RPH3AL: variants seen among roughly 807,000 people sequenced by gnomAD.
RPH3AL encodes rabphilin 3A like (without C2 domains), also known as rab effector Noc2.
RPH3AL carries 38 observed loss-of-function variants against 43.1 expected under a neutral mutation model. The observed-to-expected ratio is 0.88, with a 90% CI of 0.68 to 1.15. The LOEUF (loss-of-function observed/expected upper bound fraction) is 1.15, where lower values mean the gene tolerates loss of function less well. Among genes scored for constraint, RPH3AL ranks in the 50% most tolerant of loss-of-function variants. The pLI is 0.00. For missense variants in RPH3AL, 462 were observed against 423.2 expected (o/e 1.09, Z -0.81); for synonymous variants, 189 against 176.3 (o/e 1.07, Z -0.57).
rs145915927 is a variant in RPH3AL at position 219,622 on chromosome 17, C to T, written c.727+1G>A. ...AAGCAGCATTTCACTCCCCACCTTA[C>T]CTGACTCCTTCCAGGGTTTGTCGCC... On this transcript the variant is annotated splice_donor_variant, in intron 8 of 9. Coordinates refer to ENST00000331302, the MANE Select transcript of RPH3AL (RefSeq NM_006987.4). LOFTEE classifies it high-confidence loss of function. The T allele has an allele frequency of 4.6e-5, 73 of 1,594,016 alleles. No homozygotes were observed. In the African/African-American group the frequency reaches 9.0e-4, roughly 20 times the overall value.
intron 6 of RPH3AL, among the ~76,000 whole-genome samples, chr17:256,087 C>T (rs369233747): frequency 0.06 from 397 of 6,666 alleles, 3 homozygotes; most frequent in Middle Eastern, 0.17. Context: ...TCCCTAGGAA[C>T]GTGACTACCC....
intron 5 of RPH3AL, among the ~76,000 whole-genome samples, chr17:313,852 A>G (rs1016628420): frequency 1.5e-4 from 23 of 152,054 alleles, no homozygotes; most frequent in Admixed American, 1.4e-3. Flanking sequence ...AAAGCCCCCA[A>G]ATGCCCACCA....
rs747672407 is a variant in RPH3AL, at chr17:219,635, AG to A, written c.714del (p.Trp239GlyfsTer49). On this transcript the variant is annotated frameshift_variant, in exon 8 of 10. Coordinates refer to ENST00000331302, the MANE Select transcript of RPH3AL (RefSeq NM_006987.4). LOFTEE classifies it high-confidence loss of function. ...TGVRDRKGDK[P>X]WKESGGSVEA... ...CTCCCCACCTTACCTGACTCCTTCC[AG>A]GGTTTGTCGCCTTTCCGGTCCCTGA... 1.2e-5 allele frequency: 19 copies of A among 1,600,732 alleles called. 1 individual carries two copies. The South Asian group carries it at 2.0e-4, about 17-fold the overall frequency.
chr17:213,975 C>A, intron 9 of RPH3AL, 52 bp from the exon 10 acceptor site: 1 of 1,401,852 alleles, frequency 7.1e-7, no homozygotes, highest in Non-Finnish European at 1.0e-6. Flanking sequence ...GGAGTCCCTC[C>A]CTCCCCGGTG....
At chr17:317,430 T>G (rs1372294458) in intron 5 of RPH3AL, among the ~76,000 whole-genome samples, 1 of 147,258 alleles carries the variant, frequency 6.8e-6, no homozygotes, top group Non-Finnish European at 1.5e-5. Flanking sequence ...CACACCTCCA[T>G]TGACCTGTAG....
Position 246,206 on chromosome 17 carries a change from G to A in RPH3AL, c.613+905C>T, listed in dbSNP as rs529588063. 8.5e-5 allele frequency among the ~76,000 whole-genome samples: 13 copies of A among 152,282 alleles called. No individual in the cohort carries two copies. The South Asian group carries it at 2.7e-3, about 32-fold the overall frequency. On this transcript the variant is annotated intron_variant, in intron 7 of 9. Coordinates refer to ENST00000331302, the MANE Select transcript of RPH3AL (RefSeq NM_006987.4). The surrounding 1 kb of genome is among the most constrained non-coding windows in gnomAD (Gnocchi z 4.8). ...AAGACCAGGATGTCGCAAAGCCCCT[G>A]AGAAGCGGCCGCCAGGTCTATTGTG...
At chr17:222,234 AC>A (rs1432371151) in intron 7 of RPH3AL, among the ~76,000 whole-genome samples, 1 of 152,246 alleles carries the variant, frequency 6.6e-6, no homozygotes, top group Non-Finnish European at 1.5e-5. Flanking sequence ...AAACAGCATT[AC>A]CCCCATTTCA....
intron 7 of RPH3AL, among the ~76,000 whole-genome samples, chr17:243,650 C>CCCTTCCTCTGTTGACTA (rs2041650556): frequency 1.5e-5 from 1 of 67,050 alleles, no homozygotes; most frequent in East Asian, 5.2e-4. Context: ...CTATTGATTA[C>CCCTTCCTCTGTTGACTA]CCTTCCTCTA....
At chr17:235,743 A>ATGGATCCAGGGTTCAAAGCTGGGGT (rs1597900153) in intron 7 of RPH3AL, among the ~76,000 whole-genome samples, 1 of 110,992 alleles carries the variant, frequency 9.0e-6, no homozygotes, top group East Asian at 2.7e-4. Flanking sequence ...CACTAACAAG[A>ATGGATCCAGGGTTCAAAGCTGGGGT]CGGATCCAGG....
chr17:305,061 AG>A lies in RPH3AL; in HGVS notation c.351+14358del, dbSNP rs368919042. On this transcript the variant is annotated intron_variant, in intron 5 of 9. Transcript: ENST00000331302. ...CAGGGCGAGAGGGGGACAGGGCGAGAGGGGGACAGGGCGGGAGGGGGACAGG... is the reference window on the plus strand; with the variant it reads ...CAGGGCGAGAGGGGGACAGGGCGAGAGGGGACAGGGCGGGAGGGGGACAGG... 6.3e-3 allele frequency among the ~76,000 whole-genome samples: 54 copies of A among 8,562 alleles called. 4 individuals are homozygous for A. Among genetic ancestry groups the A allele is most frequent in the Non-Finnish European group, 8.9e-3 (37 of 4,148 alleles). The allele number at this position is 8,562 out of a possible 152,430, so 5.6% of individuals were successfully genotyped here. A position where few individuals can be genotyped will look rare whatever the true frequency, so the allele number is the denominator to read the frequency against.
chr17:278,401 C>A (rs2042707561), intron 6 of RPH3AL, among the ~76,000 whole-genome samples: 1 of 152,170 alleles, frequency 6.6e-6, no homozygotes, highest in East Asian at 1.9e-4. Flanking sequence ...TGAGAACAGA[C>A]TAATACATCT....
chr17:277,714 G>A (rs887266444), intron 6 of RPH3AL, among the ~76,000 whole-genome samples: 2 of 152,148 alleles, frequency 1.3e-5, no homozygotes, highest in African/African-American at 4.8e-5. Flanking sequence ...CAGCACGTTG[G>A]GAGACTGGGG....
intron 3 of RPH3AL, among the ~76,000 whole-genome samples, chr17:325,579 C>T (rs566694039): frequency 1.3e-5 from 2 of 152,328 alleles, no homozygotes; most frequent in East Asian, 3.9e-4. Context: ...AGGCAGCACA[C>T]TCTCAGCCCC....
At position 327,581 on chromosome 17, in the gene RPH3AL, TG is replaced by T; in HGVS notation, c.-36-3del. The T allele has an allele frequency of 6.3e-7, 1 of 1,594,688 alleles. No individual in the cohort carries two copies. The highest frequency in any genetic ancestry group is 8.6e-7 in the Non-Finnish European group (1 of 1,163,818). ...CCGGCTGGGGGTGGGGAGTCACATC[TG>T]AGATGAAGGAGGGAAGACGAAAGAG... On this transcript the variant is annotated splice_region_variant and splice_polypyrimidine_tract_variant and intron_variant, in intron 2 of 9. Coordinates refer to ENST00000331302, the MANE Select transcript of RPH3AL (RefSeq NM_006987.4).
intron 3 of RPH3AL, among the ~76,000 whole-genome samples, chr17:326,533 G>A (rs948528846): frequency 1.4e-4 from 21 of 152,260 alleles, no homozygotes; most frequent in East Asian, 9.7e-4. Flanking sequence ...GTGCACAGTC[G>A]GTGGAGATGG....
At chr17:300,620 C>T (rs1188188709) in intron 5 of RPH3AL, among the ~76,000 whole-genome samples, 2 of 127,112 alleles carry the variant, frequency 1.6e-5, no homozygotes, top group Non-Finnish European at 3.3e-5. Flanking sequence ...CCTAGACCTG[C>T]AGAATCTCTC....
intron 1 of RPH3AL, among the ~76,000 whole-genome samples, chr17:340,710 C>T (rs2045097052): frequency 1.5e-5 from 2 of 132,238 alleles, no homozygotes; most frequent in Non-Finnish European, 3.1e-5. Flanking sequence ...CCAGGCCTCC[C>T]CACATCCACA....
chr17:330,833 G>A (rs12453457), intron 2 of RPH3AL: 68,866 of 150,550 alleles, frequency 0.46, 16,470 homozygotes, highest in East Asian at 0.74. Context: ...CTGAGATCGC[G>A]CCACTACACT....
chr17:291,806 G>GA (rs1010776239), intron 5 of RPH3AL, among the ~76,000 whole-genome samples: 2 of 152,182 alleles, frequency 1.3e-5, no homozygotes, highest in African/African-American at 4.8e-5. Context: ...AAGCACGTTG[G>GA]AAACAGTCTG....
Sources: gnomAD v4.1 joint callset for allele counts (sites outside exome capture counted in the v4.1 genomes callset) on GRCh38, gnomAD v4.1.1 for gene constraint, Gnocchi (gnomAD v3.1) non-coding constraint, MANE v1.5 for transcripts, NCBI Gene and HGNC (gene_info 2026-07-23, HGNC 2026-07-21) for gene names.